RGS5: variants seen among roughly 807,000 people sequenced by gnomAD.
RGS5 encodes the protein regulator of G-protein signalling 5.
In RGS5, 20 loss-of-function variants were observed where a neutral mutation model predicts 18.9. The ratio of observed to expected loss-of-function variants is 1.06; its 90% confidence interval spans 0.74 to 1.54. The LOEUF (loss-of-function observed/expected upper bound fraction) is 1.54. RGS5 is among the 40% of genes most tolerant of loss of function. The pLI is 0.00. For synonymous variants in RGS5, 57 were observed against 76.2 expected (o/e 0.75, Z 1.31); for missense variants, 201 against 211.8 (o/e 0.95, Z 0.32).
intron 2 of RGS5, among the ~76,000 whole-genome samples, chr1:163,231,327 T>G (rs1347730775): frequency 6.6e-6 from 1 of 152,190 alleles, no homozygotes; most frequent in Non-Finnish European, 1.5e-5. Context: ...TTATTCCCAT[T>G]TTACAGGCAA....
chr1:163,285,372 T>G lies in RGS5; in HGVS notation c.-281+20861A>C, dbSNP rs1649115889. Among the ~76,000 whole-genome samples the G allele has an allele frequency of 2.0e-5, 3 of 151,942 alleles. No individual in the cohort carries two copies. In the South Asian group the frequency reaches 6.2e-4, roughly 32 times the overall value. On this transcript the variant is annotated intron_variant, in intron 2 of 5. Coordinates refer to the RGS5 transcript ENST00000618415. ...GAGTTCGAACCCAGCCTGGCCAACA[T>G]GGTGAAACCCTGTCTCTACTAAAAT... is the stretch of plus-strand genomic sequence containing the variant.
chr1:163,152,311 T>A (rs1023561519), intron 4 of RGS5, among the ~76,000 whole-genome samples: 5 of 152,136 alleles, frequency 3.3e-5, no homozygotes, highest in Non-Finnish European at 7.4e-5. Flanking sequence ...ATTGGTATGA[T>A]CTCCACTGGA....
chr1:163,200,722 G>A (rs548695521), intron 1 of RGS5, among the ~76,000 whole-genome samples: 1 of 152,208 alleles, frequency 6.6e-6, no homozygotes, highest in East Asian at 1.9e-4. Context: ...CACAATAATT[G>A]CGTATTCTAC....
At chr1:163,168,108 G>C (rs1004636800) in intron 2 of RGS5, 150 bp downstream of exon 2, 3 of 521,170 alleles carry the variant, frequency 5.8e-6, no homozygotes, top group Non-Finnish European at 1.0e-5. Context: ...AAAAAAAAAA[G>C]AGCTTCTTTG....
chr1:163,296,720 C>G (rs943956997), intron 2 of RGS5, among the ~76,000 whole-genome samples: 8 of 152,162 alleles, frequency 5.3e-5, no homozygotes, highest in African/African-American at 1.9e-4. Flanking sequence ...TCTACCCACA[C>G]AGTTTCTGGA....
chr1:163,186,987 A>G (rs1050210310), intron 1 of RGS5, among the ~76,000 whole-genome samples: 1 of 152,202 alleles, frequency 6.6e-6, no homozygotes. Context: ...ATAATTGTCA[A>G]CTGGCTTTGT....
At chr1:163,230,210 G>C (rs1647441311) in intron 2 of RGS5, among the ~76,000 whole-genome samples, 1 of 152,116 alleles carries the variant, frequency 6.6e-6, no homozygotes, top group Non-Finnish European at 1.5e-5. Context: ...CAAAAGACCT[G>C]GGTTGAAGAC....
At chr1:163,215,354 CTGAT>C (rs1416704824) in intron 1 of RGS5, among the ~76,000 whole-genome samples, 4 of 152,184 alleles carry the variant, frequency 2.6e-5, no homozygotes, top group Non-Finnish European at 5.9e-5. Flanking sequence ...TCCAAACTCT[CTGAT>C]GTCAGTCACT....
intron 2 of RGS5, among the ~76,000 whole-genome samples, chr1:163,296,584 T>C (rs1317298144): frequency 6.6e-6 from 1 of 152,170 alleles, no homozygotes; most frequent in East Asian, 1.9e-4. Flanking sequence ...CTACAAAAGA[T>C]GCTTTAAGGC....
At chr1:163,257,218 T>C (rs1648297135) in intron 2 of RGS5, among the ~76,000 whole-genome samples, 1 of 151,994 alleles carries the variant, frequency 6.6e-6, no homozygotes, top group African/African-American at 2.4e-5. Context: ...CTAGGGGTGA[T>C]TTAAAGCAAA....
chr1:163,176,309 G>A (rs1571243317), intron 1 of RGS5, among the ~76,000 whole-genome samples: 1 of 152,190 alleles, frequency 6.6e-6, no homozygotes, highest in African/African-American at 2.4e-5. Flanking sequence ...TAATTTCTTA[G>A]GACCATGGTG....
intron 2 of RGS5, among the ~76,000 whole-genome samples, chr1:163,283,373 GT>G (rs2101720261): frequency 6.6e-6 from 1 of 152,280 alleles, no homozygotes; most frequent in South Asian, 2.1e-4. Context: ...ATTACACATT[GT>G]AAACGTGTAT....
chr1:163,153,440 A>C (rs1201904846), intron 3 of RGS5, among the ~76,000 whole-genome samples: 1 of 152,066 alleles, frequency 6.6e-6, no homozygotes, highest in African/African-American at 2.4e-5. Flanking sequence ...ATTCAATTTG[A>C]GACCCAAAGG....
intron 1 of RGS5, among the ~76,000 whole-genome samples, chr1:163,179,458 T>C (rs1038641874): frequency 6.6e-6 from 1 of 152,214 alleles, no homozygotes; most frequent in African/African-American, 2.4e-5. Flanking sequence ...CAGAAAGTCC[T>C]GTGCCAATGA....
chr1:163,307,622 A>AT (rs1008757791), intron 1 of RGS5, among the ~76,000 whole-genome samples: 17 of 122,288 alleles, frequency 1.4e-4, no homozygotes, highest in African/African-American at 3.7e-4. Context: ...TTTAAGAGTA[A>AT]TAAAAAAAAA....
chr1:163,304,336 CT>C (rs1474779574), intron 2 of RGS5: 2 of 152,268 alleles, frequency 1.3e-5, no homozygotes, highest in African/African-American at 4.8e-5. Context: ...GCAAGGCCTT[CT>C]CTCTCTGGCA....
At chr1:163,305,848 A>C (rs1397520315) in intron 2 of RGS5, among the ~76,000 whole-genome samples, 1 of 152,196 alleles carries the variant, frequency 6.6e-6, no homozygotes, top group Non-Finnish European at 1.5e-5. Flanking sequence ...AAGTAGGGTC[A>C]CTAGTCCTCA....
chr1:163,151,330 A>G (rs1657363444), intron 4 of RGS5, among the ~76,000 whole-genome samples: 1 of 152,204 alleles, frequency 6.6e-6, no homozygotes, highest in South Asian at 2.1e-4. Context: ...ATAAAGGATA[A>G]AGAAGAGTAG....
intron 2 of RGS5, among the ~76,000 whole-genome samples, chr1:163,231,006 T>C (rs1027167230): frequency 2.0e-5 from 3 of 152,192 alleles, no homozygotes; most frequent in African/African-American, 7.2e-5. Flanking sequence ...GCACAAGTGA[T>C]TGACATTTGT....
Sources: gnomAD v4.1 joint callset for allele counts (sites outside exome capture counted in the v4.1 genomes callset) on GRCh38, gnomAD v4.1.1 for gene constraint, MANE v1.5 for transcripts, NCBI Gene and HGNC (gene_info 2026-07-23, HGNC 2026-07-21) for gene names.